CARD8: variants seen among roughly 807,000 people sequenced by gnomAD.
CARD8 encodes caspase recruitment domain-containing protein 8.
Under a neutral mutation model 53.2 loss-of-function variants are expected in CARD8, and 38 were observed. That is an observed-to-expected ratio of 0.71 (90% CI 0.55 to 0.94). CARD8 has a LOEUF of 0.94. Ranked by LOEUF, CARD8 falls within the 40% of genes least tolerant of loss-of-function variation. The pLI, the probability that CARD8 is intolerant of heterozygous loss-of-function variation, is 0.00. For missense variants in CARD8, 561 were observed against 655.5 expected (o/e 0.86, Z 1.57); for synonymous variants, 245 against 244.9 (o/e 1.00, Z 0.00).
chr19:48,238,166 C>A (rs1191541588), intron 5 of CARD8: 1 of 732,374 alleles, frequency 1.4e-6, no homozygotes, highest in Non-Finnish European at 2.0e-6. Flanking sequence ...GCTGAGATTA[C>A]AGGTGTGAGC....
chr19:48,223,476 C>G (rs1261799053), intron 10 of CARD8, among the ~76,000 whole-genome samples: 1 of 152,044 alleles, frequency 6.6e-6, no homozygotes, highest in Admixed American at 6.6e-5. Flanking sequence ...ATGTGGAGAA[C>G]TATCCAGGAG....
intron 13 of CARD8, among the ~76,000 whole-genome samples, chr19:48,212,720 A>T (rs2038273816): frequency 6.6e-6 from 1 of 152,198 alleles, no homozygotes; most frequent in Non-Finnish European, 1.5e-5. Context: ...TATATTTAGG[A>T]AGGGTAGAAG....
chr19:48,228,487 G>C (rs1187814041), intron 10 of CARD8, among the ~76,000 whole-genome samples: 2 of 151,970 alleles, frequency 1.3e-5, no homozygotes, highest in Non-Finnish European at 2.9e-5. Flanking sequence ...CAAAGTCACT[G>C]ACTGGGTGAC....
intron 7 of CARD8, chr19:48,232,171 T>G: frequency 1.8e-6 from 1 of 564,842 alleles, no homozygotes; most frequent in Admixed American, 3.1e-5. Flanking sequence ...CAGAAAAGTA[T>G]CGAACTCCAA....
At chr19:48,203,809 C>CA (rs1224210327), downstream of CARD8, 1 of 212,966 alleles carries the variant, frequency 4.7e-6, no homozygotes, top group African/African-American at 2.4e-5. Flanking sequence ...ATCCAGTCTG[C>CA]ACGAAGATCC....
intron 11 of CARD8, among the ~76,000 whole-genome samples, chr19:48,220,508 C>T (rs1160573026): frequency 6.6e-6 from 1 of 152,128 alleles, no homozygotes; most frequent in African/African-American, 2.4e-5. Context: ...GATGTGTTTT[C>T]CCATTAAAAC....
At chr19:48,203,964 G>A (rs1234655130), downstream of CARD8, 1 of 328,262 alleles carries the variant, frequency 3.0e-6, no homozygotes. Flanking sequence ...CTGAGTGTGA[G>A]GGCCTGCGCA....
At chr19:48,224,604 T>G (rs905752286) in intron 10 of CARD8, among the ~76,000 whole-genome samples, 1 of 152,090 alleles carries the variant, frequency 6.6e-6, no homozygotes, top group Non-Finnish European at 1.5e-5. Context: ...ACAATAGATA[T>G]TTAGAGTTTG....
chr19:48,224,486 T>A (rs2041333215), intron 10 of CARD8, among the ~76,000 whole-genome samples: 2 of 152,226 alleles, frequency 1.3e-5, no homozygotes, highest in Non-Finnish European at 2.9e-5. Flanking sequence ...TCAACTCACA[T>A]ACTCAATAGC....
chr19:48,225,442 G>A (rs1362371087), intron 10 of CARD8, among the ~76,000 whole-genome samples: 1 of 152,090 alleles, frequency 6.6e-6, no homozygotes, highest in Non-Finnish European at 1.5e-5. Context: ...AGTGAGCTGC[G>A]ACTGTGGCAC....
chr19:48,253,918 T>C (rs2047256543), intron 1 of CARD8, among the ~76,000 whole-genome samples: 1 of 152,120 alleles, frequency 6.6e-6, no homozygotes, highest in Admixed American at 6.6e-5. Context: ...CAATTCATAT[T>C]CTTGACTTAA....
rs1378869716 is a variant in CARD8 at position 48,210,578 on chromosome 19, A to C, written c.*1132T>G. Reference sequence around the variant, plus strand: ...ATCCTAGATGAGAAAAGGTAATAGGATCTAAATGGTGATAAAGTGCCTAGA... The same window carrying C: ...ATCCTAGATGAGAAAAGGTAATAGGCTCTAAATGGTGATAAAGTGCCTAGA... On this transcript the variant is annotated 3_prime_UTR_variant, in exon 14 of 14. Coordinates refer to ENST00000651546, the MANE Select transcript of CARD8 (RefSeq NM_001184900.3). 6.6e-6 allele frequency: 1 copy of C among 152,202 alleles called. No individual in the cohort carries two copies. Among genetic ancestry groups the C allele is most frequent in the Non-Finnish European group, 1.5e-5 (1 of 68,024 alleles). The allele number at this position is 152,202 out of a possible 1,614,324, so 9.4% of individuals were successfully genotyped here.
rs368633828 is a variant in CARD8, at chr19:48,221,267, C to T, written c.1161+463G>A. 3.9e-4 allele frequency among the ~76,000 whole-genome samples: 59 copies of T among 152,212 alleles called. No homozygotes were observed. In the South Asian group the frequency reaches 0.011, roughly 28 times the overall value. ...ATAATGAAAAAAGCTCTAGGGATTT[C>T]GCTACATGGCATATCATGTCCCAGT... On this transcript the variant is annotated intron_variant, in intron 11 of 13. Transcript: ENST00000651546.
At chr19:48,237,960 G>A (rs142184380) in intron 5 of CARD8, among the ~76,000 whole-genome samples, 3,846 of 151,614 alleles carry the variant, frequency 0.025, 156 homozygotes, top group African/African-American at 0.088. Context: ...GCACGATCTC[G>A]GCTCACTGCA....
intron 10 of CARD8, among the ~76,000 whole-genome samples, chr19:48,225,367 T>C (rs1450406208): frequency 6.6e-6 from 1 of 152,078 alleles, no homozygotes; most frequent in East Asian, 1.9e-4. Context: ...GGCGCATGCC[T>C]GTAGTCTCAG....
chr19:48,244,670 G>A (rs1337508594), intron 3 of CARD8, among the ~76,000 whole-genome samples: 2 of 152,160 alleles, frequency 1.3e-5, no homozygotes, highest in Non-Finnish European at 1.5e-5. Flanking sequence ...AAACACACTT[G>A]TAGAAAGAAC....
Position 48,218,990 on chromosome 19 carries a change from C to T in CARD8, c.1184G>A (p.Ser395Asn). ...TGAGAAGTGCTGAATTTCTCCAGGG[C>T]TCCTGTAGGACAATTTCAACTCCTA... ...MPKELKLSYR[S>N]PGEIQHFSKF... Residue 395 changes from serine (S) to asparagine (N), a missense_variant, in exon 12 of 14, where the codon AGC becomes AAC. By Grantham distance (46) the Ser-to-Asn change is conservative. Coordinates refer to ENST00000651546, the MANE Select transcript of CARD8 (RefSeq NM_001184900.3). 6.2e-7 allele frequency: 1 copy of T among 1,614,036 alleles called. No individual in the cohort carries two copies. The highest frequency in any genetic ancestry group is 8.5e-7 in the Non-Finnish European group (1 of 1,179,940).
Position 48,211,792 on chromosome 19 carries a change from TC to T in CARD8, c.1531del (p.Asp511ThrfsTer119). On this transcript the variant is annotated frameshift_variant, in exon 14 of 14. Coordinates refer to ENST00000651546, the MANE Select transcript of CARD8 (RefSeq NM_001184900.3). LOFTEE classifies it high-confidence loss of function. ...TCTGAAGAGCACGTCCAGGGCCAGG[TC>T]CCCTTTCTTCTCCACCATGCTCAGC... is the stretch of plus-strand genomic sequence containing the variant. ...ALLSMVEKKG[D>X]LALDVLFRSI... is the part of the protein sequence containing the mutation. 1.2e-6 allele frequency: 2 copies of T among 1,614,150 alleles called. No individual in the cohort carries two copies. The highest frequency in any genetic ancestry group is 1.7e-6 in the Non-Finnish European group (2 of 1,180,020).
At chr19:48,255,946 T>C (rs1967247232), upstream of CARD8, 1 of 152,108 alleles carries the variant, frequency 6.6e-6, no homozygotes, top group African/African-American at 2.4e-5. Flanking sequence ...GGAAGTAAGC[T>C]CTCAGGACTT....
Sources: gnomAD v4.1 joint callset for allele counts (sites outside exome capture counted in the v4.1 genomes callset) on GRCh38, gnomAD v4.1.1 for gene constraint, MANE v1.5 for transcripts, NCBI Gene and HGNC (gene_info 2026-07-23, HGNC 2026-07-21) for gene names.